ACSS1: variants seen among roughly 807,000 people sequenced by gnomAD.
The protein encoded by ACSS1 is acyl-CoA synthetase short chain family member 1.
A neutral mutation model predicts 75.3 loss-of-function variants in ACSS1; 42 were observed. The observed-to-expected ratio is 0.56, with a 90% CI of 0.44 to 0.72. The LOEUF (loss-of-function observed/expected upper bound fraction) is 0.72, where lower values mean the gene tolerates loss of function less well. ACSS1 is among the 30% of genes least tolerant of loss of function. ACSS1 has a pLI of 0.00. For synonymous variants in ACSS1, 380 were observed against 376.8 expected (o/e 1.01, Z -0.10); for missense variants, 782 against 935.7 (o/e 0.84, Z 2.14).
intron 2 of ACSS1, among the ~76,000 whole-genome samples, chr20:25,033,903 C>T (rs866901435): frequency 1.3e-5 from 2 of 152,278 alleles, no homozygotes; most frequent in Middle Eastern, 3.4e-3. Flanking sequence ...GACAGCTAAA[C>T]GACAGCCTCC....
chr20:25,007,785 C>A lies in ACSS1; in HGVS notation c.2047G>T (p.Asp683Tyr). ...GCTCACTTAGCAGCAGCCTGCTTGT[C>A]CTTGCACTTCTGGTAGACACTCAGG... Reference protein sequence around the residue: ...EILSVYQKCKDKQAAAK With the variant: ...EILSVYQKCKYKQAAAK The change falls in exon 14 of 14, where the codon GAC becomes TAC. Residue 683 changes from aspartate to tyrosine, a missense_variant. Asp to Tyr is a radical substitution (Grantham distance 160, BLOSUM62 -3). Around this residue, in one of 2 missense-constraint regions of ACSS1, gnomAD observed 405 missense variants for 552.6 expected, o/e 0.73. Coordinates refer to ENST00000323482, the MANE Select transcript of ACSS1 (RefSeq NM_032501.4). 6.2e-7 allele frequency: 1 copy of A among 1,614,166 alleles called. No individual in the cohort carries two copies. The highest frequency in any genetic ancestry group is 8.5e-7 in the Non-Finnish European group (1 of 1,180,002).
intron 1 of ACSS1, among the ~76,000 whole-genome samples, chr20:25,055,382 T>C (rs1238449191): frequency 6.6e-6 from 1 of 152,192 alleles, no homozygotes; most frequent in Non-Finnish European, 1.5e-5. Flanking sequence ...ACCCGAGTCA[T>C]GATTCTAAAG....
Position 25,007,503 on chromosome 20 carries a change from A to T in ACSS1, c.*259T>A, listed in dbSNP as rs1053269465. 5 of 1,310,206 alleles carry T rather than the reference A, an allele frequency of 3.8e-6. No homozygotes were observed. Among genetic ancestry groups the T allele is most frequent in the Non-Finnish European group, 4.9e-6 (5 of 1,027,978 alleles). The allele number at this position is 1,310,206 out of a possible 1,614,324, so 81.2% of individuals were successfully genotyped here. The stretch of plus-strand genomic sequence containing the variant: ...GGAATGGAGATGGCAATGCCTTTTC[A>T]TTCCAGGAAACCAAACTCAGATGGC... On this transcript the variant is annotated 3_prime_UTR_variant, in exon 14 of 14. Transcript: ENST00000323482.
chr20:25,055,692 G>C (rs1029739862), intron 1 of ACSS1, among the ~76,000 whole-genome samples: 2 of 152,226 alleles, frequency 1.3e-5, no homozygotes, highest in Admixed American at 1.3e-4. Flanking sequence ...GATGCTGCAG[G>C]TCTGAAGACC....
chr20:25,012,164 A>C (rs56110984), intron 12 of ACSS1: 10 of 223,570 alleles, frequency 4.5e-5, no homozygotes, highest in Admixed American at 2.6e-4. Context: ...CAGCCTGCAC[A>C]CTCCAGAGCA....
chr20:25,057,665 C>G (rs2089262371), intron 1 of ACSS1, 104 bp downstream of exon 1: 1 of 1,215,164 alleles, frequency 8.2e-7, no homozygotes, highest in African/African-American at 1.5e-5. Flanking sequence ...CCCTGCAGGG[C>G]TGCGATCCGC....
intron 2 of ACSS1, among the ~76,000 whole-genome samples, chr20:25,039,938 A>G (rs1459233952): frequency 1.3e-5 from 2 of 152,252 alleles, no homozygotes; most frequent in Non-Finnish European, 2.9e-5. Context: ...AAGCTCCTGC[A>G]GGCTGGCAGC....
At chr20:25,057,407 TAG>T (rs2089257758) in intron 1 of ACSS1, among the ~76,000 whole-genome samples, 1 of 152,100 alleles carries the variant, frequency 6.6e-6, no homozygotes, top group Non-Finnish European at 1.5e-5. Flanking sequence ...CGCTCGGGTG[TAG>T]CCCGCGGCTC....
chr20:25,032,250 A>G, intron 2 of ACSS1: 1 of 942,590 alleles, frequency 1.1e-6, no homozygotes, highest in Non-Finnish European at 1.4e-6. Context: ...CTCAGGGCGC[A>G]TCATCTCTCT....
At chr20:25,013,735 TG>T in intron 9 of ACSS1, 73 bp from the exon 10 acceptor site, 1 of 1,535,962 alleles carries the variant, frequency 6.5e-7, no homozygotes, top group East Asian at 2.3e-5. Context: ...TGACAAGCCC[TG>T]CCCTCAAGGG....
rs6050245 is a variant in ACSS1, at chr20:25,007,428, G to A, written c.*334C>T. 8.6e-7 allele frequency: 1 copy of A among 1,168,298 alleles called. No homozygotes were observed. Among genetic ancestry groups the A allele is most frequent in the Non-Finnish European group, 1.1e-6 (1 of 942,948 alleles). 72.4% of individuals were successfully genotyped at this position (1,168,298 alleles called of 1,614,324 possible). On this transcript the variant is annotated 3_prime_UTR_variant, in exon 14 of 14. Coordinates refer to ENST00000323482, the MANE Select transcript of ACSS1 (RefSeq NM_032501.4). Reference sequence around the variant, plus strand: ...TAACTAGCTCTGTGTTATCTGAGCAGGCGCGCTATCCCAGGGCCTCACCTT... The same window carrying A: ...TAACTAGCTCTGTGTTATCTGAGCAAGCGCGCTATCCCAGGGCCTCACCTT...
intron 1 of ACSS1, among the ~76,000 whole-genome samples, chr20:25,050,218 A>G (rs1239175680): frequency 1.3e-5 from 2 of 152,118 alleles, no homozygotes; most frequent in Non-Finnish European, 2.9e-5. Context: ...TTAAAAATCG[A>G]GAGCTTTCAC....
intron 2 of ACSS1, among the ~76,000 whole-genome samples, chr20:25,033,494 A>G (rs2088861825): frequency 6.6e-6 from 1 of 152,272 alleles, no homozygotes; most frequent in Non-Finnish European, 1.5e-5. Flanking sequence ...CCAAACATTC[A>G]GTAGCTATCG....
intron 2 of ACSS1, among the ~76,000 whole-genome samples, chr20:25,033,233 T>TG (rs11087496): frequency 0.28 from 42,282 of 152,108 alleles, 6,179 homozygotes; most frequent in Middle Eastern, 0.37. Flanking sequence ...AAGGCTTGAA[T>TG]TATGCTCACC....
intron 12 of ACSS1, chr20:25,011,514 G>A (rs1786428550): frequency 1.3e-5 from 2 of 152,302 alleles, no homozygotes; most frequent in South Asian, 2.1e-4. Flanking sequence ...GCTCCTGCCA[G>A]AGCGAGGTAA....
At chr20:25,045,443 G>A (rs1438293913) in intron 2 of ACSS1, among the ~76,000 whole-genome samples, 1 of 152,236 alleles carries the variant, frequency 6.6e-6, no homozygotes, top group African/African-American at 2.4e-5. Flanking sequence ...GGGGACCAGA[G>A]TCGGGAGGTT....
In ACSS1 at chr20:25,022,394, A is replaced by G. The variant is rs2088638908; in HGVS notation, c.960+546T>C. ...ACAAAACAAAACAAAACAAAACAAA[A>G]GAAAAAACAATATTTTAATTGGCAA... On this transcript the variant is annotated intron_variant, in intron 5 of 13. Coordinates refer to ENST00000323482, the MANE Select transcript of ACSS1 (RefSeq NM_032501.4). 2.1e-5 allele frequency among the ~76,000 whole-genome samples: 3 copies of G among 141,738 alleles called. No homozygotes were observed. The South Asian group carries it at 6.3e-4, about 30-fold the overall frequency. The allele number at this position is 141,738 out of a possible 152,430, so 93.0% of individuals were successfully genotyped here. A position where few individuals can be genotyped will look rare whatever the true frequency, so the allele number is the denominator to read the frequency against.
Position 25,007,406 on chromosome 20 carries a change from C to A in ACSS1, c.*356G>T, listed in dbSNP as rs554293800. ...AGAAAACACGGTTGCTACTAGCTAA[C>A]TAGCTCTGTGTTATCTGAGCAGGCG... is the stretch of plus-strand genomic sequence containing the variant. On this transcript the variant is annotated 3_prime_UTR_variant, in exon 14 of 14. Transcript: ENST00000323482. 12 of 1,126,460 alleles carry A rather than the reference C, an allele frequency of 1.1e-5. No homozygotes were observed. In the South Asian group the frequency reaches 3.7e-4, roughly 35 times the overall value. 69.8% of individuals were successfully genotyped at this position (1,126,460 alleles called of 1,614,324 possible). A position where few individuals can be genotyped will look rare whatever the true frequency, so the allele number is the denominator to read the frequency against.
chr20:25,030,873 G>C lies in ACSS1; in HGVS notation c.517C>G (p.Pro173Ala), dbSNP rs373847417. The C allele has an allele frequency of 1.2e-6, 2 of 1,614,222 alleles. No individual in the cohort carries two copies. The highest frequency in any genetic ancestry group is 2.2e-5 in the East Asian group (1 of 44,872). Residue 173 changes from proline (P) to alanine (A), a missense_variant, in exon 3 of 14, where the codon CCC (proline) becomes GCC (alanine). By Grantham distance (27) the Pro-to-Ala change is conservative (BLOSUM62 -1). This residue lies in a region of ACSS1 where 377 missense variants were observed against 383.1 expected (regional missense o/e 0.98). Transcript: ENST00000323482. ...HRGDRVAIYM[P>A]VSPLAVAAML... ...GCTGCCACAGCCAATGGGGACACGG[G>C]CATGTAGATGGCAACACGGTCCCCA...
Sources: gnomAD v4.1 joint callset for allele counts (sites outside exome capture counted in the v4.1 genomes callset) on GRCh38, gnomAD v4.1.1 for gene constraint, gnomAD v4.1.1 regional missense constraint, MANE v1.5 for transcripts, NCBI Gene and HGNC (gene_info 2026-07-23, HGNC 2026-07-21) for gene names.